Variants in CCDC93 observed in about 807,000 individuals in gnomAD.
CCDC93 encodes coiled-coil domain-containing protein 93.
In CCDC93, 61 loss-of-function variants were observed where a neutral mutation model predicts 108.2. That is an observed-to-expected ratio of 0.56 (90% CI 0.46 to 0.70). CCDC93 has a LOEUF of 0.70. Ranked by LOEUF, CCDC93 falls within the 30% of genes least tolerant of loss-of-function variation. The probability of loss-of-function intolerance (pLI) is 0.00; values close to 1 mark genes in which losing one functional copy is unlikely to be tolerated. For missense variants in CCDC93, 685 were observed against 764.2 expected (o/e 0.90, Z 1.22); for synonymous variants, 276 against 260.4 (o/e 1.06, Z -0.58).
rs1558810433 is a variant in CCDC93, at chr2:118,013,223, G to A, written c.42+731C>T. On this transcript the variant is annotated intron_variant, in intron 1 of 23. Transcript: ENST00000376300. ...CAAACCACTCATGACCCCCTCCCTA[G>A]CACTAAGTGAGTACTTAACAAACAC... Among the ~76,000 whole-genome samples the A allele has an allele frequency of 2.6e-5, 4 of 152,218 alleles. No individual in the cohort carries two copies. In the South Asian group the frequency reaches 6.2e-4, roughly 24 times the overall value.
intron 3 of CCDC93, among the ~76,000 whole-genome samples, chr2:118,001,782 G>A (rs762238902): frequency 6.6e-6 from 1 of 152,198 alleles, no homozygotes; most frequent in African/African-American, 2.4e-5. Context: ...CACTGGTGGA[G>A]GGATTTGTAT....
rs13431936 is a variant in CCDC93 at position 117,917,308 on chromosome 2, G to A, written c.*3035C>T. 4,186 of 152,792 alleles carry A rather than the reference G, an allele frequency of 0.027. 197 individuals carry two copies. The highest frequency in any genetic ancestry group is 0.096 in the African/African-American group (3,985 of 41,536). 9.5% of individuals were successfully genotyped at this position (152,792 alleles called of 1,614,324 possible). On this transcript the variant is annotated 3_prime_UTR_variant, in exon 24 of 24. Coordinates refer to ENST00000376300, the MANE Select transcript of CCDC93 (RefSeq NM_019044.5). ...ACATCAACAACGTCACAACCCTGAG[G>A]TCTGAGGTCCCGGGCATGGCACTTT...
intron 11 of CCDC93, among the ~76,000 whole-genome samples, chr2:117,958,864 G>C (rs966466369): frequency 6.6e-6 from 1 of 152,170 alleles, no homozygotes; most frequent in Admixed American, 6.5e-5. Flanking sequence ...CACTGTGATC[G>C]AAGTATTATA....
At position 117,949,373 on chromosome 2, in the gene CCDC93, A is replaced by T. The variant is rs1183233860; in HGVS notation, c.1091T>A (p.Leu364Gln). ...CTCGAGGGCTGCTTGCTCTTTGTCC[A>T]GTTTCTCACTGTAAGTCTTCAGCTG... Reference protein sequence around the residue: ...LTELKTYSEKLDKEQAALEKI... With the variant: ...LTELKTYSEKQDKEQAALEKI... The change falls in exon 14 of 24, where the codon CTG (leucine) becomes CAG (glutamine). Residue 364 changes from leucine (L) to glutamine (Q), a missense_variant. Physicochemically the swap from Leu to Gln is moderately radical, Grantham distance 113 (BLOSUM62 -2). Transcript: ENST00000376300. The T allele has an allele frequency of 1.9e-6, 3 of 1,613,648 alleles. No individual in the cohort carries two copies. In the African/African-American group the frequency reaches 4.0e-5, roughly 21 times the overall value.
At chr2:117,928,608 T>C (rs1056061070) in intron 23 of CCDC93, among the ~76,000 whole-genome samples, 5 of 152,034 alleles carry the variant, frequency 3.3e-5, no homozygotes, top group East Asian at 1.9e-4. Context: ...AGTCAGGAAA[T>C]AACAGGTGCT....
intron 23 of CCDC93, among the ~76,000 whole-genome samples, chr2:117,922,519 T>C (rs759436930): frequency 6.6e-6 from 1 of 152,326 alleles, no homozygotes; most frequent in Middle Eastern, 3.4e-3. Flanking sequence ...ATTTAAATCT[T>C]AGTATCATGA....
chr2:117,932,245 G>C (rs1573465897), intron 22 of CCDC93, among the ~76,000 whole-genome samples: 1 of 152,226 alleles, frequency 6.6e-6, no homozygotes, highest in East Asian at 1.9e-4. Context: ...GTGCTCAAAA[G>C]CTTGTTGAAT....
chr2:117,976,128 G>A lies in CCDC93; in HGVS notation c.658-848C>T, dbSNP rs1028670755. 5.3e-5 allele frequency among the ~76,000 whole-genome samples: 8 copies of A among 152,212 alleles called. No individual in the cohort carries two copies. In the East Asian group the frequency reaches 1.5e-3, roughly 29 times the overall value. Reference sequence around the variant, plus strand: ...CAACTCTAGGATGCTTTTCTATAACGAGTCTATCACTGCCCATGGGAACAC... The same window carrying A: ...CAACTCTAGGATGCTTTTCTATAACAAGTCTATCACTGCCCATGGGAACAC... On this transcript the variant is annotated intron_variant, in intron 8 of 23. Coordinates refer to ENST00000376300, the MANE Select transcript of CCDC93 (RefSeq NM_019044.5).
rs1435364041 is a variant in CCDC93, at chr2:117,985,387, A to C, written c.620+582T>G. 4 of 838,898 alleles carry C rather than the reference A, an allele frequency of 4.8e-6. No homozygotes were observed. The African/African-American group carries it at 7.4e-5, about 15-fold the overall frequency. 52.0% of individuals were successfully genotyped at this position (838,898 alleles called of 1,614,324 possible). A position where few individuals can be genotyped will look rare whatever the true frequency, so the allele number is the denominator to read the frequency against. The stretch of plus-strand genomic sequence containing the variant: ...AAAGGAAGCACAAGGAGACTTACTC[A>C]CATCAAGGAATCAGTTACCCTGAGA... On this transcript the variant is annotated intron_variant, in intron 7 of 23. Transcript: ENST00000376300.
chr2:117,969,478 T>G (rs940904730), intron 11 of CCDC93, among the ~76,000 whole-genome samples: 2 of 152,214 alleles, frequency 1.3e-5, no homozygotes, highest in Non-Finnish European at 2.9e-5. Flanking sequence ...TGTGTTATTT[T>G]AAGTGACTAC....
intron 23 of CCDC93, among the ~76,000 whole-genome samples, chr2:117,925,444 A>G (rs1352240692): frequency 6.6e-6 from 1 of 152,200 alleles, no homozygotes; most frequent in African/African-American, 2.4e-5. Flanking sequence ...AAGCAAATGG[A>G]AAACAAAAAA....
chr2:118,005,917 T>C (rs556873869), intron 3 of CCDC93, among the ~76,000 whole-genome samples: 11 of 152,140 alleles, frequency 7.2e-5, no homozygotes, highest in Non-Finnish European at 1.0e-4. Flanking sequence ...AGATACCACC[T>C]CCACTTGGCT....
intron 23 of CCDC93, among the ~76,000 whole-genome samples, chr2:117,924,153 G>T (rs574371380): frequency 6.6e-6 from 1 of 152,166 alleles, no homozygotes; most frequent in Non-Finnish European, 1.5e-5. Context: ...AAAGACCAAA[G>T]GTAGATAAAA....
chr2:117,947,353 C>T (rs969615287), intron 15 of CCDC93, among the ~76,000 whole-genome samples: 8 of 152,132 alleles, frequency 5.3e-5, no homozygotes, highest in Admixed American at 3.9e-4. Flanking sequence ...CTGGAGCTCA[C>T]ACAGAACTTG....
intron 1 of CCDC93, among the ~76,000 whole-genome samples, chr2:118,009,609 T>A (rs1316585596): frequency 6.6e-6 from 1 of 152,034 alleles, no homozygotes; most frequent in African/African-American, 2.4e-5. Context: ...GAGGCGGGGG[T>A]TGCAGTGAGG....
At chr2:117,960,597 A>G (rs757265717) in intron 11 of CCDC93, among the ~76,000 whole-genome samples, 1 of 152,146 alleles carries the variant, frequency 6.6e-6, no homozygotes, top group Non-Finnish European at 1.5e-5. Context: ...CTTTGTTTTA[A>G]AATTATGACC....
intron 22 of CCDC93, among the ~76,000 whole-genome samples, chr2:117,932,188 AGG>A (rs1222213804): frequency 6.6e-6 from 1 of 152,158 alleles, no homozygotes; most frequent in Non-Finnish European, 1.5e-5. Flanking sequence ...CCAGGAAATG[AGG>A]GCAGTAAGAG....
rs539020422 is a variant in CCDC93 at position 117,931,401 on chromosome 2, G to C, written c.1729-251C>G. ...TTTTTTCTCACTACAATTTCACAATGGACAGGTTGGTGATTCTCAACTAGG... is the reference window on the plus strand; with the variant it reads ...TTTTTTCTCACTACAATTTCACAATCGACAGGTTGGTGATTCTCAACTAGG... On this transcript the variant is annotated intron_variant, in intron 22 of 23. Coordinates refer to ENST00000376300, the MANE Select transcript of CCDC93 (RefSeq NM_019044.5). The C allele has an allele frequency of 1.7e-5, 6 of 358,600 alleles. No individual in the cohort carries two copies. The Admixed American group carries it at 2.8e-4, about 16-fold the overall frequency. 22.2% of individuals were successfully genotyped at this position (358,600 alleles called of 1,614,324 possible). A position where few individuals can be genotyped will look rare whatever the true frequency, so the allele number is the denominator to read the frequency against.
Position 117,920,406 on chromosome 2 carries a change from A to C in CCDC93, c.1843-10T>G, listed in dbSNP as rs780703423. The C allele has an allele frequency of 1.4e-5, 23 of 1,609,682 alleles. 1 individual carries two copies. In the South Asian group the frequency reaches 2.4e-4, roughly 17 times the overall value. ...CGTTCTTGCGGCCCTCCTGGAGGGA[A>C]AGCAGAGAGTATAGAGAGAGTGGTG... On this transcript the variant is annotated splice_polypyrimidine_tract_variant and intron_variant, in intron 23 of 23. Coordinates refer to ENST00000376300, the MANE Select transcript of CCDC93 (RefSeq NM_019044.5).
Sources: gnomAD v4.1 joint callset for allele counts (sites outside exome capture counted in the v4.1 genomes callset) on GRCh38, gnomAD v4.1.1 for gene constraint, MANE v1.5 for transcripts, NCBI Gene and HGNC (gene_info 2026-07-23, HGNC 2026-07-21) for gene names.